Variants in L3MBTL4 observed in about 807,000 individuals in gnomAD.
The protein encoded by L3MBTL4 is lethal(3)malignant brain tumor-like protein 4.
L3MBTL4 carries 70 observed loss-of-function variants against 84.5 expected under a neutral mutation model. That is an observed-to-expected ratio of 0.83 (90% confidence interval 0.68 to 1.01). The LOEUF (loss-of-function observed/expected upper bound fraction) is 1.01. Ranked by LOEUF, L3MBTL4 falls within the 50% of genes least tolerant of loss-of-function variation. L3MBTL4 has a pLI of 0.00. For synonymous variants in L3MBTL4, 274 were observed against 259.8 expected, an observed-to-expected ratio of 1.05 and a Z score of -0.52; for missense variants, 715 against 754.8, an observed-to-expected ratio of 0.95 and a Z score of 0.62.
intron 12 of L3MBTL4, among the ~76,000 whole-genome samples, chr18:6,194,686 A>T (rs1211013088): frequency 6.6e-6 from 1 of 152,176 alleles, no homozygotes; most frequent in Non-Finnish European, 1.5e-5. Flanking sequence ...ATGCCAAAGG[A>T]TCAGAAGAGA....
chr18:6,161,718 G>A (rs923543866), intron 13 of L3MBTL4, among the ~76,000 whole-genome samples: 3 of 152,124 alleles, frequency 2.0e-5, no homozygotes, highest in Admixed American at 6.5e-5. Flanking sequence ...GTGCTCATCT[G>A]AGCCCGGCTC....
At chr18:6,243,954 T>C (rs184853567) in intron 6 of L3MBTL4, among the ~76,000 whole-genome samples, 2 of 152,264 alleles carry the variant, frequency 1.3e-5, no homozygotes, top group East Asian at 3.9e-4. Flanking sequence ...AATCAATCAG[T>C]AAAGTAAATA....
intron 12 of L3MBTL4, among the ~76,000 whole-genome samples, chr18:6,195,090 A>C (rs1334867576): frequency 6.6e-6 from 1 of 152,230 alleles, no homozygotes. Context: ...TGTAATGTAC[A>C]AAAGTGTAGA....
chr18:5,964,465 T>C (rs138934108), intron 17 of L3MBTL4, among the ~76,000 whole-genome samples: 121 of 152,314 alleles, frequency 7.9e-4, no homozygotes, highest in Admixed American at 1.6e-3. Context: ...CTGGGGACCA[T>C]GTTTCCAGCC....
chr18:6,306,792 T>G (rs777729135), intron 3 of L3MBTL4, among the ~76,000 whole-genome samples: 1 of 152,202 alleles, frequency 6.6e-6, no homozygotes, highest in Non-Finnish European at 1.5e-5. Flanking sequence ...ATAAAGTTCT[T>G]GCAATCTAAG....
intron 14 of L3MBTL4, among the ~76,000 whole-genome samples, chr18:6,095,406 G>C (rs1598733096): frequency 6.9e-6 from 1 of 145,732 alleles, no homozygotes; most frequent in African/African-American, 2.6e-5. Context: ...GGAGTGCAGT[G>C]GTGCGATGAT....
intron 16 of L3MBTL4, among the ~76,000 whole-genome samples, chr18:6,001,226 G>A (rs1465858734): frequency 6.6e-6 from 1 of 152,244 alleles, no homozygotes; most frequent in Admixed American, 6.5e-5. Flanking sequence ...ATTGCCTAAA[G>A]TGGCTTCCAG....
chr18:6,260,297 A>T (rs1181315003), intron 5 of L3MBTL4: 1 of 152,126 alleles, frequency 6.6e-6, no homozygotes, highest in Admixed American at 6.5e-5. Context: ...ATTTTAGAGT[A>T]AGTTTTTTTG....
intron 12 of L3MBTL4, among the ~76,000 whole-genome samples, chr18:6,189,127 G>A (rs571993276): frequency 2.0e-5 from 3 of 152,252 alleles, no homozygotes; most frequent in Middle Eastern, 3.4e-3. Flanking sequence ...GCTGCAGGTG[G>A]TTTCCTGGCT....
intron 4 of L3MBTL4, among the ~76,000 whole-genome samples, chr18:6,292,231 C>T (rs1265791379): frequency 3.3e-5 from 5 of 152,148 alleles, no homozygotes; most frequent in Non-Finnish European, 5.9e-5. Flanking sequence ...AAGTTTCTCC[C>T]ATGGTCTTCA....
intron 13 of L3MBTL4, among the ~76,000 whole-genome samples, chr18:6,167,004 G>A (rs1243157794): frequency 8.5e-5 from 13 of 152,120 alleles, no homozygotes; most frequent in South Asian, 2.1e-4. Flanking sequence ...TATCACCACC[G>A]ATCCCACAGA....
intron 4 of L3MBTL4, among the ~76,000 whole-genome samples, chr18:6,301,000 A>G (rs1276862922): frequency 6.6e-6 from 1 of 152,202 alleles, no homozygotes; most frequent in Non-Finnish European, 1.5e-5. Flanking sequence ...AGCACCACCC[A>G]TTTGTTTAAA....
At chr18:6,120,406 T>C (rs2059488606) in intron 14 of L3MBTL4, among the ~76,000 whole-genome samples, 2 of 152,198 alleles carry the variant, frequency 1.3e-5, no homozygotes, top group South Asian at 4.1e-4. Flanking sequence ...GTTGCCTGTG[T>C]TGCAAGGGCC....
At chr18:6,027,805 CAT>C (rs2055582181) in intron 16 of L3MBTL4, among the ~76,000 whole-genome samples, 1 of 152,240 alleles carries the variant, frequency 6.6e-6, no homozygotes, top group East Asian at 1.9e-4. Context: ...AAGCTTTTTT[CAT>C]ATGTTTGTTG....
chr18:6,072,803 C>T (rs1373684376), intron 16 of L3MBTL4, among the ~76,000 whole-genome samples: 1 of 140,756 alleles, frequency 7.1e-6, no homozygotes, highest in Non-Finnish European at 1.5e-5. Flanking sequence ...TTGCAATGAG[C>T]CCAGATCGTG....
intron 16 of L3MBTL4, among the ~76,000 whole-genome samples, chr18:6,009,654 A>C (rs2054648375): frequency 6.6e-6 from 1 of 152,202 alleles, no homozygotes; most frequent in Non-Finnish European, 1.5e-5. Context: ...CTAGATTACT[A>C]ATAATACCTA....
intron 16 of L3MBTL4, among the ~76,000 whole-genome samples, chr18:5,994,096 C>A (rs1001768079): frequency 6.6e-6 from 1 of 152,218 alleles, no homozygotes; most frequent in Admixed American, 6.5e-5. Context: ...GCACCATCTA[C>A]CTCCCTGTCC....
chr18:6,303,431 A>G (rs1438896943), intron 3 of L3MBTL4, among the ~76,000 whole-genome samples: 1 of 152,202 alleles, frequency 6.6e-6, no homozygotes, highest in Non-Finnish European at 1.5e-5. Flanking sequence ...AATATGTAAT[A>G]GTTTTCATTA....
intron 1 of L3MBTL4, among the ~76,000 whole-genome samples, chr18:6,360,081 C>T (rs2053616841): frequency 6.6e-6 from 1 of 152,116 alleles, no homozygotes; most frequent in African/African-American, 2.4e-5. Flanking sequence ...ATGTTAAAGC[C>T]AGTTGAGGCT....
Sources: gnomAD v4.1 joint callset for allele counts (sites outside exome capture counted in the v4.1 genomes callset) on GRCh38, gnomAD v4.1.1 for gene constraint, MANE v1.5 for transcripts, NCBI Gene and HGNC (gene_info 2026-07-23, HGNC 2026-07-21) for gene names.